COG6: variants seen among roughly 807,000 people sequenced by gnomAD.
The protein encoded by COG6 is component of oligomeric golgi complex 6.
A neutral mutation model predicts 88.8 loss-of-function variants in COG6; 74 were observed. The ratio of observed to expected loss-of-function variants is 0.83; its 90% CI spans 0.69 to 1.01. The LOEUF is 1.01. Ranked by LOEUF, COG6 falls within the 50% of genes least tolerant of loss-of-function variation. The pLI is 0.00. For missense variants in COG6, 800 were observed against 797.9 expected (o/e 1.00, Z -0.03); for synonymous variants, 286 against 278.7 (o/e 1.03, Z -0.26).
intron 18 of COG6, among the ~76,000 whole-genome samples, chr13:39,737,677 G>A (rs975665527): frequency 1.3e-5 from 2 of 151,878 alleles, no homozygotes; most frequent in Non-Finnish European, 2.9e-5. Context: ...ACTAGGTCAC[G>A]TGCACCCCAA....
chr13:39,667,210 G>C (rs1051891362), intron 4 of COG6, among the ~76,000 whole-genome samples: 2 of 152,150 alleles, frequency 1.3e-5, no homozygotes, highest in Non-Finnish European at 2.9e-5. Flanking sequence ...ATAGTCTTTT[G>C]ATTTTATTCC....
Position 39,751,790 on chromosome 13 carries a change from T to C in COG6, c.*697T>C, listed in dbSNP as rs903112053. 3 of 1,287,100 alleles carry C rather than the reference T, an allele frequency of 2.3e-6. No homozygotes were observed. Among genetic ancestry groups the C allele is most frequent in the African/African-American group, 3.0e-5 (2 of 65,794 alleles). 79.7% of individuals were successfully genotyped at this position (1,287,100 alleles called of 1,614,324 possible). ...GATTTAAACAGGGTGGATTCCACTC[T>C]GTGGGAGCCTTCGATGGAACTCAAG... On this transcript the variant is annotated 3_prime_UTR_variant, in exon 19 of 19. Transcript: ENST00000455146.
rs529054087 is a variant in COG6, at chr13:39,716,196, T to A, written c.1285-3040T>A. ...TTGTTGGGTGCATATATGTTTATAA[T>A]TATTTTATTTTCTTGATGGATTGAC... On this transcript the variant is annotated intron_variant, in intron 13 of 18. Coordinates refer to ENST00000455146, the MANE Select transcript of COG6 (RefSeq NM_020751.3). Among the ~76,000 whole-genome samples, 286 of 152,100 alleles carry A rather than the reference T, an allele frequency of 1.9e-3. 2 individuals are homozygous for A. The highest frequency in any genetic ancestry group is 6.6e-3 in the African/African-American group (276 of 41,556).
At chr13:39,742,749 C>A (rs1232804895) in intron 18 of COG6, among the ~76,000 whole-genome samples, 3 of 152,124 alleles carry the variant, frequency 2.0e-5, no homozygotes, top group Non-Finnish European at 4.4e-5. Flanking sequence ...CTACAGCAAG[C>A]AGACCTAATA....
In COG6 at chr13:39,751,239, T is replaced by C. The variant is rs576912890; in HGVS notation, c.*146T>C. ...GTAAGTCCCGATAATTTTTTTTTTT[T>C]TGGTCTCAGTAACAGGGAAGTAAGT... On this transcript the variant is annotated 3_prime_UTR_variant, in exon 19 of 19. Transcript: ENST00000455146. 120 of 1,512,300 alleles carry C rather than the reference T, an allele frequency of 7.9e-5. No homozygotes were observed. Among genetic ancestry groups the C allele is most frequent in the Middle Eastern group, 4.7e-4 (2 of 4,264 alleles). The allele number at this position is 1,512,300 out of a possible 1,614,324, so 93.7% of individuals were successfully genotyped here.
At chr13:39,788,134 C>CTATAAAATAATAAAA (rs1881831674) in intron 18 of COG6, among the ~76,000 whole-genome samples, 2 of 152,172 alleles carry the variant, frequency 1.3e-5, no homozygotes, top group Admixed American at 1.3e-4. Flanking sequence ...ACTGTTACCA[C>CTATAAAATAATAAAA]TATAAAATAA....
At chr13:39,685,620 C>G (rs1039172253) in intron 8 of COG6, among the ~76,000 whole-genome samples, 3 of 151,982 alleles carry the variant, frequency 2.0e-5, no homozygotes, top group Admixed American at 6.5e-5. Context: ...TGAGGATTAG[C>G]TATATATACT....
rs187666340 is a variant in COG6, at chr13:39,775,238, A to C, written c.1827-13097A>C. On this transcript the variant is annotated intron_variant, in intron 18 of 18. Coordinates refer to the COG6 transcript ENST00000416691. ...TAACCTAGTTTGTCTCAGTTTCCTCATTGGTCAGATGAGGCTAATGATGTT... is the reference window on the plus strand; with the variant it reads ...TAACCTAGTTTGTCTCAGTTTCCTCCTTGGTCAGATGAGGCTAATGATGTT... 2.6e-3 allele frequency among the ~76,000 whole-genome samples: 385 copies of C among 150,838 alleles called. 1 individual carries two copies. Among genetic ancestry groups the C allele is most frequent in the African/African-American group, 8.9e-3 (366 of 41,122 alleles).
intron 18 of COG6, among the ~76,000 whole-genome samples, chr13:39,780,138 T>C (rs1047728012): frequency 1.3e-5 from 2 of 152,220 alleles, no homozygotes; most frequent in African/African-American, 4.8e-5. Context: ...TACAAATGCA[T>C]TGAGTTCGAA....
intron 18 of COG6, among the ~76,000 whole-genome samples, chr13:39,748,220 G>A (rs1193992672): frequency 6.6e-6 from 1 of 152,130 alleles, no homozygotes; most frequent in Non-Finnish European, 1.5e-5. Flanking sequence ...TAAAATACTA[G>A]TTTCTAGTAG....
At chr13:39,736,499 C>T (rs1010086527) in intron 18 of COG6, among the ~76,000 whole-genome samples, 3 of 152,048 alleles carry the variant, frequency 2.0e-5, no homozygotes, top group Admixed American at 2.0e-4. Context: ...TCAAGACCAG[C>T]CTAACCAACA....
Position 39,687,496 on chromosome 13 carries a change from C to A in COG6, c.789-7C>A. On this transcript the variant is annotated splice_polypyrimidine_tract_variant and splice_region_variant and intron_variant, in intron 8 of 18. Coordinates refer to ENST00000455146, the MANE Select transcript of COG6 (RefSeq NM_020751.3). ...CAACCATTTTTTATATAACTTGTTT[C>A]TTCTAGATATACCTTAGATGAATTT... 1 of 1,611,786 alleles carries A rather than the reference C, an allele frequency of 6.2e-7. No homozygotes were observed.
intron 14 of COG6, 54 bp from the exon 15 acceptor site, chr13:39,719,606 A>C: frequency 6.6e-7 from 1 of 1,517,040 alleles, no homozygotes; most frequent in Non-Finnish European, 9.1e-7. Context: ...TCATTAACCC[A>C]AGACCCTATC....
intron 4 of COG6, among the ~76,000 whole-genome samples, chr13:39,673,033 TG>T (rs71080325): frequency 0.21 from 31,676 of 151,986 alleles, 3,462 homozygotes; most frequent in East Asian, 0.28. Flanking sequence ...ATATTTTCTT[TG>T]GAGAAATGTC....
intron 18 of COG6, chr13:39,785,379 A>C (rs1202703236): frequency 6.6e-6 from 1 of 152,206 alleles, no homozygotes; most frequent in Non-Finnish European, 1.5e-5. Flanking sequence ...TTGGGTCTTC[A>C]CTGGTAAATA....
Position 39,751,160 on chromosome 13 carries a change from T to C in COG6, c.*67T>C, listed in dbSNP as rs1566039320. On this transcript the variant is annotated 3_prime_UTR_variant, in exon 19 of 19. Transcript: ENST00000455146. The stretch of plus-strand genomic sequence containing the variant: ...AACACTGAAGGTTATTTTTTATTCT[T>C]TGAATTTTTACTCTATAATTTGATA... The C allele has an allele frequency of 6.3e-7, 1 of 1,587,246 alleles. No homozygotes were observed. The highest frequency in any genetic ancestry group is 8.6e-7 in the Non-Finnish European group (1 of 1,164,868).
At position 39,787,887 on chromosome 13, in the gene COG6, G is replaced by A. The variant is rs1378752773; in HGVS notation, c.1827-448G>A. 2.6e-5 allele frequency among the ~76,000 whole-genome samples: 4 copies of A among 152,204 alleles called. No individual in the cohort carries two copies. In the East Asian group the frequency reaches 7.7e-4, roughly 29 times the overall value. On this transcript the variant is annotated intron_variant, in intron 18 of 18. Coordinates refer to the COG6 transcript ENST00000416691. ...TATACCATTTTATATCAGTGACTTG[G>A]GCATCTGTGGATTTTGGTATCTGTG...
chr13:39,660,815 T>C lies in COG6; in HGVS notation c.303T>C (p.Leu101=), dbSNP rs764185523. Residue 101 remains leucine (L), a synonymous_variant, in exon 3 of 19, where the codon CTT becomes CTC. Transcript: ENST00000455146. ...GTTACTTTTCTTCTTTTCAGGAACT[T>C]GAAAGCATAAGCGAAGATGTTCAAG... is the stretch of plus-strand genomic sequence containing the variant. ...VSIFKEVKEE[L]ESISEDVQAM... 4.8e-5 allele frequency: 77 copies of C among 1,604,704 alleles called. No homozygotes were observed. The South Asian group carries it at 8.0e-4, about 17-fold the overall frequency.
At chr13:39,765,541 A>G (rs4603426) in intron 18 of COG6, among the ~76,000 whole-genome samples, 30,470 of 152,128 alleles carry the variant, frequency 0.2, 3,585 homozygotes, top group Non-Finnish European at 0.26. Flanking sequence ...ATGGTACTCA[A>G]TCACATTAAC....
Sources: gnomAD v4.1 joint callset for allele counts (sites outside exome capture counted in the v4.1 genomes callset) on GRCh38, gnomAD v4.1.1 for gene constraint, MANE v1.5 for transcripts, NCBI Gene and HGNC (gene_info 2026-07-23, HGNC 2026-07-21) for gene names.